The following NEDD1 variants were observed in gnomAD, a reference collection of about 807,000 sequenced individuals.
The protein encoded by NEDD1 is protein NEDD1.
Under a neutral mutation model 74.0 loss-of-function variants are expected in NEDD1, and 33 were observed. The ratio of observed to expected loss-of-function variants is 0.45; its 90% CI spans 0.34 to 0.60. NEDD1 has a LOEUF of 0.60. NEDD1 is among the 20% of genes least tolerant of loss of function. The pLI is 0.01. For synonymous variants in NEDD1, 250 were observed against 264.4 expected, an observed-to-expected ratio of 0.95 and a Z score of 0.53; for missense variants, 746 against 776.5, an observed-to-expected ratio of 0.96 and a Z score of 0.47.
intron 2 of NEDD1, among the ~76,000 whole-genome samples, chr12:96,908,828 A>C (rs1429238987): frequency 1.3e-5 from 2 of 152,228 alleles, no homozygotes; most frequent in Non-Finnish European, 2.9e-5. Context: ...GCTGTGTGCC[A>C]GGAATGTTTC....
intron 14 of NEDD1, among the ~76,000 whole-genome samples, chr12:96,946,522 A>G (rs559324250): frequency 6.6e-6 from 1 of 152,290 alleles, no homozygotes; most frequent in African/African-American, 2.4e-5. Context: ...TTGTTGGTGC[A>G]TGCTTCCTTT....
chr12:96,932,704 G>A (rs1298201675), intron 6 of NEDD1, among the ~76,000 whole-genome samples: 3 of 150,808 alleles, frequency 2.0e-5, no homozygotes, highest in Non-Finnish European at 2.9e-5. Context: ...GGTTACTTAA[G>A]GGTCTTTTAA....
At chr12:96,919,111 AC>A (rs1236603825) in intron 5 of NEDD1, among the ~76,000 whole-genome samples, 3 of 152,188 alleles carry the variant, frequency 2.0e-5, no homozygotes. Context: ...AATTTTGGTC[AC>A]TTTTCTCTCC....
rs1316275954 is a variant in NEDD1 at position 96,914,400 on chromosome 12, A to G, written c.231+1583A>G. 2.0e-5 allele frequency among the ~76,000 whole-genome samples: 3 copies of G among 152,122 alleles called. No homozygotes were observed. In the East Asian group the frequency reaches 5.8e-4, roughly 29 times the overall value. ...TTCTAAGAGTTTTGTGAATATTCCA[A>G]ATTAGTTGCTATGATTCTTAGCCCT... is the stretch of plus-strand genomic sequence containing the variant. On this transcript the variant is annotated intron_variant, in intron 4 of 15. Coordinates refer to ENST00000266742, the MANE Select transcript of NEDD1 (RefSeq NM_152905.4).
intron 6 of NEDD1, among the ~76,000 whole-genome samples, chr12:96,932,489 A>ATATATATATATAG (rs1201702643): frequency 1.5e-4 from 9 of 58,518 alleles, no homozygotes; most frequent in Admixed American, 2.4e-4. Flanking sequence ...TATATATATA[A>ATATATATATATAG]AATGCACACA....
chr12:96,939,947 G>A (rs2136599634), intron 9 of NEDD1, among the ~76,000 whole-genome samples: 1 of 152,050 alleles, frequency 6.6e-6, no homozygotes, highest in Admixed American at 6.6e-5. Flanking sequence ...GGGAAGAAAA[G>A]TAACATTAAT....
At chr12:96,909,188 A>AG (rs1394486593) in intron 2 of NEDD1, among the ~76,000 whole-genome samples, 1 of 151,966 alleles carries the variant, frequency 6.6e-6, no homozygotes, top group African/African-American at 2.4e-5. Flanking sequence ...AAAAAAAAAA[A>AG]AAAAAATTCA....
At chr12:96,923,421 CT>C (rs1156721811) in intron 6 of NEDD1, among the ~76,000 whole-genome samples, 1 of 152,080 alleles carries the variant, frequency 6.6e-6, no homozygotes, top group Non-Finnish European at 1.5e-5. Flanking sequence ...TACAGTTTTA[CT>C]TTATGAAAAA....
At chr12:96,923,788 T>G (rs368465501) in intron 6 of NEDD1, among the ~76,000 whole-genome samples, 8 of 142,248 alleles carry the variant, frequency 5.6e-5, no homozygotes, top group African/African-American at 7.6e-5. Context: ...TAATACCTGT[T>G]TGTGTGTGTG....
At chr12:96,945,121 A>G (rs1178603732) in intron 13 of NEDD1, among the ~76,000 whole-genome samples, 1 of 152,084 alleles carries the variant, frequency 6.6e-6, no homozygotes, top group Non-Finnish European at 1.5e-5. Context: ...TCTCTTTCAT[A>G]TTAAAGTCTT....
chr12:96,945,842 G>T lies in NEDD1; in HGVS notation c.1804G>T (p.Asp602Tyr). ...IQNMIQETLD[D>Y]FREACHRDIV... ...GAACATGATACAGGAAACGTTGGATGACTTTAGGTAGTAATTGAGAAACTA... is the reference window on the plus strand; with the variant it reads ...GAACATGATACAGGAAACGTTGGATTACTTTAGGTAGTAATTGAGAAACTA... The change falls in exon 14 of 16, where the codon GAC (aspartate) becomes TAC (tyrosine). Residue 602 changes from aspartate (D) to tyrosine (Y), a missense_variant. Around this residue, in one of 3 missense-constraint regions of NEDD1, gnomAD observed 706 missense variants for 706.7 expected, o/e 1.00. Coordinates refer to ENST00000266742, the MANE Select transcript of NEDD1 (RefSeq NM_152905.4). 6.2e-7 allele frequency: 1 copy of T among 1,604,920 alleles called. No homozygotes were observed. Among genetic ancestry groups the T allele is most frequent in the Non-Finnish European group, 8.5e-7 (1 of 1,172,810 alleles).
Position 96,943,839 on chromosome 12 carries a change from C to T in NEDD1, c.1497+77C>T, listed in dbSNP as rs193024891. ...AGTGGGTGGCTGCCAGTGCATGTAT[C>T]CTAATTATTAGCATTGCTATGCACT... On this transcript the variant is annotated intron_variant, in intron 12 of 15. Transcript: ENST00000266742. 6.2e-5 allele frequency: 50 copies of T among 802,162 alleles called. 1 individual carries two copies. In the East Asian group the frequency reaches 1.2e-3, roughly 19 times the overall value. The allele number at this position is 802,162 out of a possible 1,614,324, so 49.7% of individuals were successfully genotyped here. A position where few individuals can be genotyped will look rare whatever the true frequency, so the allele number is the denominator to read the frequency against.
intron 6 of NEDD1, among the ~76,000 whole-genome samples, chr12:96,929,904 C>T (rs1159571809): frequency 1.3e-5 from 2 of 152,046 alleles, no homozygotes; most frequent in Admixed American, 6.6e-5. Flanking sequence ...TAAAATTGGC[C>T]ACCATGCTTT....
At chr12:96,912,519 G>T (rs1240722630) in intron 3 of NEDD1, 2 of 393,368 alleles carry the variant, frequency 5.1e-6, no homozygotes, top group Non-Finnish European at 9.0e-6. Flanking sequence ...CAGAAAGAAG[G>T]CTAGTTCTTC....
intron 6 of NEDD1, among the ~76,000 whole-genome samples, chr12:96,922,463 C>T (rs532057851): frequency 6.6e-6 from 1 of 152,048 alleles, no homozygotes; most frequent in East Asian, 1.9e-4. Context: ...CTTTTCAATA[C>T]CATAAAAATT....
intron 6 of NEDD1, among the ~76,000 whole-genome samples, chr12:96,933,020 T>A (rs1247160942): frequency 6.7e-6 from 1 of 150,170 alleles, no homozygotes; most frequent in African/African-American, 2.5e-5. Flanking sequence ...TTTTTTTAAA[T>A]AGTCTGCCAT....
chr12:96,946,338 A>G (rs1328416543), intron 14 of NEDD1, among the ~76,000 whole-genome samples: 2 of 152,170 alleles, frequency 1.3e-5, no homozygotes, highest in African/African-American at 4.8e-5. Flanking sequence ...CGAATTGTGA[A>G]CATTCTAAGA....
At chr12:96,912,839 T>A (rs1009313423) in intron 4 of NEDD1, 22 bp downstream of exon 4, 98 of 1,159,044 alleles carry the variant, frequency 8.5e-5, no homozygotes, top group Non-Finnish European at 1.0e-4. Context: ...TTTTTTTTTT[T>A]AAACTTTTAA....
At chr12:96,948,102 C>T (rs1273032540) in intron 14 of NEDD1, among the ~76,000 whole-genome samples, 1 of 152,158 alleles carries the variant, frequency 6.6e-6, no homozygotes, top group Non-Finnish European at 1.5e-5. Flanking sequence ...CAGCCATCCT[C>T]CCGTGGCTGC....
Sources: allele counts gnomAD v4.1 joint callset (sites outside exome capture counted in the v4.1 genomes callset), GRCh38; gene constraint gnomAD v4.1.1; regional missense constraint gnomAD v4.1.1; transcripts MANE v1.5; gene names NCBI Gene and HGNC (gene_info 2026-07-23, HGNC 2026-07-21).